PATJ: variants seen among roughly 807,000 people sequenced by gnomAD.
PATJ encodes PATJ crumbs cell polarity complex component, also known as inaD-like protein.
Under a neutral mutation model 224.9 loss-of-function variants are expected in PATJ, and 190 were observed. The ratio of observed to expected loss-of-function variants is 0.84; its 90% confidence interval spans 0.75 to 0.95. The LOEUF is 0.95. Among genes scored for constraint, PATJ ranks in the 40% least tolerant of loss-of-function variants. The probability of loss-of-function intolerance (pLI) is 0.00; values close to 1 mark genes in which losing one functional copy is unlikely to be tolerated. For synonymous variants in PATJ, 769 were observed against 820.3 expected (o/e 0.94, Z 1.07); for missense variants, 2,121 against 2,270.3 (o/e 0.93, Z 1.34).
chr1:61,997,930 T>C (rs1010202783), intron 28 of PATJ, among the ~76,000 whole-genome samples: 6 of 140,572 alleles, frequency 4.3e-5, no homozygotes, highest in African/African-American at 1.6e-4. Context: ...TGATCCTCCC[T>C]CCTCAGCCTC....
intron 33 of PATJ, among the ~76,000 whole-genome samples, chr1:62,087,897 T>A (rs1409729789): frequency 2.0e-5 from 3 of 151,612 alleles, no homozygotes; most frequent in Non-Finnish European, 2.9e-5. Context: ...TTTGTAATTT[T>A]TTTTTTTTTT....
intron 27 of PATJ, among the ~76,000 whole-genome samples, chr1:61,959,139 A>G (rs1046452490): frequency 1.3e-5 from 2 of 152,086 alleles, no homozygotes; most frequent in Admixed American, 6.6e-5. Flanking sequence ...CACTGTTCCA[A>G]ATCTATACAA....
At chr1:62,131,580 G>A (rs781549513) in intron 41 of PATJ, among the ~76,000 whole-genome samples, 2 of 151,868 alleles carry the variant, frequency 1.3e-5, no homozygotes, top group Non-Finnish European at 2.9e-5. Flanking sequence ...CTCAGGAGGC[G>A]GAGGTTGCAA....
chr1:62,032,485 A>G (rs1353485846), intron 29 of PATJ, among the ~76,000 whole-genome samples: 2 of 152,200 alleles, frequency 1.3e-5, no homozygotes, highest in Non-Finnish European at 2.9e-5. Context: ...GCTGTGACTT[A>G]TCATATAGTT....
At chr1:61,991,181 CAAT>C (rs1286201123) in intron 28 of PATJ, among the ~76,000 whole-genome samples, 5 of 141,340 alleles carry the variant, frequency 3.5e-5, no homozygotes, top group South Asian at 2.2e-4. Context: ...ATAAGAAATG[CAAT>C]GATGATGATG....
intron 1 of PATJ, 130 bp downstream of exon 1, chr1:61,742,685 C>G (rs1367375036): frequency 6.6e-6 from 1 of 151,712 alleles, no homozygotes; most frequent in Admixed American, 6.6e-5. Context: ...TCTCCCCGCC[C>G]GCCCGCCTGG....
At chr1:61,762,837 A>G (rs1357696130) in intron 1 of PATJ, 21 bp from the exon 2 acceptor site, 5 of 1,088,106 alleles carry the variant, frequency 4.6e-6, no homozygotes, top group African/African-American at 3.2e-5. Context: ...CATCTTTTAT[A>G]TTGTTAAATT....
chr1:61,955,587 T>G (rs1680329701), intron 27 of PATJ, among the ~76,000 whole-genome samples: 1 of 152,226 alleles, frequency 6.6e-6, no homozygotes, highest in Non-Finnish European at 1.5e-5. Context: ...AAATAGAAAT[T>G]ATAGTGATAG....
chr1:62,112,636 G>T (rs894112834), intron 34 of PATJ, among the ~76,000 whole-genome samples: 3 of 152,210 alleles, frequency 2.0e-5, no homozygotes, highest in African/African-American at 7.2e-5. Context: ...CTGACATCTT[G>T]GGGGAGCTCA....
chr1:61,833,644 G>C lies in PATJ; in HGVS notation c.1981-10G>C. 6.2e-7 allele frequency: 1 copy of C among 1,600,122 alleles called. No homozygotes were observed. The highest frequency in any genetic ancestry group is 8.5e-7 in the Non-Finnish European group (1 of 1,174,414). ...GTGTTTTGAAGCATTTATCTTCTTTGGTATTTCAGGTTGACCACAATATGG... is the reference window on the plus strand; with the variant it reads ...GTGTTTTGAAGCATTTATCTTCTTTCGTATTTCAGGTTGACCACAATATGG... On this transcript the variant is annotated splice_polypyrimidine_tract_variant and intron_variant, in intron 16 of 43. Transcript: ENST00000642238.
In PATJ at chr1:61,914,014, A is replaced by G. The variant is rs1268590923; in HGVS notation, c.3493-573A>G. Among the ~76,000 whole-genome samples, 4 of 152,216 alleles carry G rather than the reference A, an allele frequency of 2.6e-5. No individual in the cohort carries two copies. In the East Asian group the frequency reaches 5.8e-4, roughly 22 times the overall value. On this transcript the variant is annotated intron_variant, in intron 25 of 43. Coordinates refer to ENST00000642238, the MANE Select transcript of PATJ (RefSeq NM_001350145.3). ...CTGCATTTTTATGCCCTGATGGCAT[A>G]TATATAACTTTATAATATTTTAGAG...
chr1:61,824,254 G>A (rs1010277874), intron 15 of PATJ, among the ~76,000 whole-genome samples: 8 of 150,238 alleles, frequency 5.3e-5, no homozygotes, highest in South Asian at 2.1e-4. Flanking sequence ...TTTTCGAGAC[G>A]GGGTCTTGCT....
intron 6 of PATJ, 80 bp from the exon 7 acceptor site, chr1:61,775,126 T>G: frequency 7.2e-7 from 1 of 1,386,910 alleles, no homozygotes; most frequent in Non-Finnish European, 9.7e-7. Context: ...AATCTGTTAC[T>G]TTGGTAATGA....
In PATJ at chr1:61,809,748, G is replaced by T. The variant is rs575986770; in HGVS notation, c.1683+1218G>T. 1.2e-4 allele frequency among the ~76,000 whole-genome samples: 18 copies of T among 151,926 alleles called. No homozygotes were observed. In the East Asian group the frequency reaches 3.3e-3, roughly 28 times the overall value. On this transcript the variant is annotated intron_variant, in intron 14 of 43. Coordinates refer to ENST00000642238, the MANE Select transcript of PATJ (RefSeq NM_001350145.3). ...AGAAGTTGAAAAGTCTTTAGATAGT[G>T]CTACCATTTTCTTCTTGGTTGAATA...
At chr1:61,967,428 G>A (rs2498967) in intron 27 of PATJ, among the ~76,000 whole-genome samples, 53,204 of 152,016 alleles carry the variant, frequency 0.35, 9,859 homozygotes, top group Middle Eastern at 0.41. Context: ...AGCATTCAAT[G>A]TCTGCTTTTC....
chr1:62,134,710 C>G (rs1016593814), intron 41 of PATJ, among the ~76,000 whole-genome samples: 1 of 152,080 alleles, frequency 6.6e-6, no homozygotes, highest in Admixed American at 6.6e-5. Context: ...TAGGGAGTGC[C>G]TGGGTGTTGA....
intron 43 of PATJ, among the ~76,000 whole-genome samples, chr1:62,157,160 C>T (rs1669311591): frequency 6.6e-6 from 1 of 151,562 alleles, no homozygotes; most frequent in African/African-American, 2.4e-5. Flanking sequence ...CCAGTCTCTA[C>T]TAAAAACACA....
intron 27 of PATJ, among the ~76,000 whole-genome samples, chr1:61,972,226 A>AT (rs1356890757): frequency 5.9e-5 from 9 of 152,124 alleles, no homozygotes; most frequent in Admixed American, 3.9e-4. Flanking sequence ...TTTTAAATAA[A>AT]TTTGTGCATG....
At chr1:62,119,097 C>T (rs953253516) in intron 37 of PATJ, among the ~76,000 whole-genome samples, 8 of 151,782 alleles carry the variant, frequency 5.3e-5, no homozygotes, top group African/African-American at 1.9e-4. Flanking sequence ...AAATACTTTG[C>T]CCTAATCTTC....
Sources: allele counts gnomAD v4.1 joint callset (sites outside exome capture counted in the v4.1 genomes callset), GRCh38; gene constraint gnomAD v4.1.1; transcripts MANE v1.5; gene names NCBI Gene and HGNC (gene_info 2026-07-23, HGNC 2026-07-21).